Variants in PARP4 observed in about 807,000 individuals in gnomAD.
The protein encoded by PARP4 is protein mono-ADP-ribosyltransferase PARP4.
In PARP4, 120 loss-of-function variants were observed where a neutral mutation model predicts 187.7. The ratio of observed to expected loss-of-function variants is 0.64; its 90% CI spans 0.55 to 0.74. PARP4 has a LOEUF of 0.74. PARP4 is among the 30% of genes least tolerant of loss of function. The pLI is 0.00. For synonymous variants in PARP4, 654 were observed against 740.9 expected, an observed-to-expected ratio of 0.88 and a Z score of 1.90; for missense variants, 1,836 against 2,070.5, an observed-to-expected ratio of 0.89 and a Z score of 2.20.
intron 10 of PARP4, 47 bp from the exon 11 acceptor site, chr13:24,486,352 A>G: frequency 1.5e-6 from 2 of 1,302,292 alleles, no homozygotes; most frequent in Non-Finnish European, 2.2e-6. Context: ...ATTGGAAACA[A>G]AACAAAAAGT....
At chr13:24,439,072 C>A (rs1870784116) in intron 30 of PARP4, among the ~76,000 whole-genome samples, 1 of 152,044 alleles carries the variant, frequency 6.6e-6, no homozygotes, top group Non-Finnish European at 1.5e-5. Context: ...GTATTAAGAT[C>A]CAACGTATTT....
At chr13:24,490,608 A>T in intron 10 of PARP4, 60 bp downstream of exon 10, 1 of 1,290,470 alleles carries the variant, frequency 7.7e-7, no homozygotes, top group Non-Finnish European at 1.1e-6. Context: ...TTAGCTCTTT[A>T]ACGGAGTCTC....
At chr13:24,427,594 A>G (rs1256431501) in intron 32 of PARP4, among the ~76,000 whole-genome samples, 1 of 152,194 alleles carries the variant, frequency 6.6e-6, no homozygotes, top group African/African-American at 2.4e-5. Context: ...AATTAAGAAT[A>G]TACAATTACT....
intron 14 of PARP4, among the ~76,000 whole-genome samples, chr13:24,477,390 T>G (rs1311925142): frequency 6.6e-6 from 1 of 152,030 alleles, no homozygotes; most frequent in South Asian, 2.1e-4. Context: ...ACCCAGGAGT[T>G]TGAGGCTGCA....
At chr13:24,422,104 G>A (rs975349957) in intron 33 of PARP4, among the ~76,000 whole-genome samples, 1 of 152,150 alleles carries the variant, frequency 6.6e-6, no homozygotes, top group African/African-American at 2.4e-5. Flanking sequence ...GTGGTTAAGA[G>A]CTGGGTTTGA....
At chr13:24,498,508 A>T (rs61946868) in intron 5 of PARP4, among the ~76,000 whole-genome samples, 15 of 152,194 alleles carry the variant, frequency 9.9e-5, no homozygotes. Context: ...CTTATCAAAG[A>T]GGGAAATGTT....
rs1565993324 is a variant in PARP4 at position 24,443,715 on chromosome 13, C to T, written c.3382G>A (p.Ala1128Thr). The change falls in exon 28 of 34, where the codon GCA becomes ACA. Residue 1128 changes from alanine (A) to threonine (T), a missense_variant. Ala to Thr is a moderately conservative substitution (Grantham distance 58). Transcript: ENST00000381989. ...TAATCTCTGATTAGAGCTCGGGCTG[C>T]CAGCTTGTGGATCATCTGTGTTTAA... ...KTTGTMIHKL[A>T]ARALIRDYED... The T allele has an allele frequency of 1.2e-6, 2 of 1,613,074 alleles. No individual in the cohort carries two copies. The highest frequency in any genetic ancestry group is 1.7e-6 in the Non-Finnish European group (2 of 1,179,186).
intron 4 of PARP4, 72 bp downstream of exon 4, chr13:24,500,244 T>C: frequency 1.3e-6 from 1 of 751,332 alleles, no homozygotes; most frequent in South Asian, 2.0e-5. Flanking sequence ...AGAATTTTAA[T>C]ACTGTGCTTG....
At chr13:24,440,247 A>C (rs1745029361) in intron 30 of PARP4, among the ~76,000 whole-genome samples, 1 of 151,828 alleles carries the variant, frequency 6.6e-6, no homozygotes, top group South Asian at 2.1e-4. Flanking sequence ...AAAATACAAA[A>C]ATTAGCTGAG....
In PARP4 at chr13:24,452,838, G is replaced by A. The variant is rs141442610; in HGVS notation, c.2827-245C>T. Reference sequence around the variant, plus strand: ...TTTCCAGAGGACTATGACATCTACAGGAAGAAATGTCCCATCCAATCAGCC... The same window carrying A: ...TTTCCAGAGGACTATGACATCTACAAGAAGAAATGTCCCATCCAATCAGCC... On this transcript the variant is annotated intron_variant, in intron 23 of 33. Coordinates refer to ENST00000381989, the MANE Select transcript of PARP4 (RefSeq NM_006437.4). Among the ~76,000 whole-genome samples the A allele has an allele frequency of 3.9e-5, 6 of 152,340 alleles. No homozygotes were observed. In the East Asian group the frequency reaches 1.2e-3, roughly 29 times the overall value.
intron 17 of PARP4, among the ~76,000 whole-genome samples, chr13:24,462,226 G>A (rs888380149): frequency 1.3e-5 from 2 of 152,126 alleles, no homozygotes; most frequent in African/African-American, 2.4e-5. Flanking sequence ...CACCTCTGTC[G>A]GACAGTGTGC....
At chr13:24,467,631 T>C (rs1872538322) in intron 17 of PARP4, among the ~76,000 whole-genome samples, 1 of 152,176 alleles carries the variant, frequency 6.6e-6, no homozygotes, top group African/African-American at 2.4e-5. Context: ...AATGCATGAA[T>C]ACCATATATT....
intron 32 of PARP4, among the ~76,000 whole-genome samples, chr13:24,428,005 A>G (rs1298784930): frequency 3.3e-5 from 5 of 152,166 alleles, no homozygotes; most frequent in Admixed American, 6.5e-5. Flanking sequence ...ATTCAGAAGG[A>G]GAGGGGATGA....
chr13:24,499,207 C>A, intron 5 of PARP4, 94 bp downstream of exon 5: 1 of 1,352,602 alleles, frequency 7.4e-7, no homozygotes, highest in Non-Finnish European at 9.7e-7. Context: ...TTTTTCAAAA[C>A]AATGAGAAAA....
chr13:24,442,311 A>C (rs1316591302), intron 29 of PARP4, among the ~76,000 whole-genome samples: 4 of 152,280 alleles, frequency 2.6e-5, no homozygotes, highest in Non-Finnish European at 5.9e-5. Context: ...CTGTAACAAA[A>C]TTATAGTATA....
intron 28 of PARP4, 63 bp downstream of exon 28, chr13:24,443,587 T>C (rs1871059648): frequency 8.2e-7 from 1 of 1,215,330 alleles, no homozygotes; most frequent in Non-Finnish European, 1.2e-6. Context: ...TTTCCACAGA[T>C]AAAATCAATG....
chr13:24,508,616 C>T (rs547309698), intron 1 of PARP4, among the ~76,000 whole-genome samples: 2 of 152,252 alleles, frequency 1.3e-5, no homozygotes, highest in East Asian at 1.9e-4. Flanking sequence ...CGGGTTCAAA[C>T]GATTCTCCTG....
chr13:24,489,741 C>T (rs752903301), intron 10 of PARP4, among the ~76,000 whole-genome samples: 4 of 152,134 alleles, frequency 2.6e-5, no homozygotes, highest in Non-Finnish European at 5.9e-5. Flanking sequence ...CTGAGTCAGG[C>T]CATAAGGTAA....
At position 24,456,578 on chromosome 13, in the gene PARP4, A is replaced by G. The variant is rs1019760983; in HGVS notation, c.2425-100T>C. 1.6e-5 allele frequency: 17 copies of G among 1,063,720 alleles called. No individual in the cohort carries two copies. The Admixed American group carries it at 3.5e-4, about 22-fold the overall frequency. 65.9% of individuals were successfully genotyped at this position (1,063,720 alleles called of 1,614,324 possible). On this transcript the variant is annotated intron_variant, in intron 20 of 33. Transcript: ENST00000381989. ...TGGAGCAAACCCTTGCATAGCTTAC[A>G]TAACTCTATTAAGAATCAACAAAGT... is the stretch of plus-strand genomic sequence containing the variant.
Sources: gnomAD v4.1 joint callset for allele counts (sites outside exome capture counted in the v4.1 genomes callset) on GRCh38, gnomAD v4.1.1 for gene constraint, MANE v1.5 for transcripts, NCBI Gene and HGNC (gene_info 2026-07-23, HGNC 2026-07-21) for gene names.